Variants in DPYSL2 observed in about 807,000 individuals in gnomAD.
The protein encoded by DPYSL2 is dihydropyrimidinase like 2, also known as dihydropyrimidinase-related protein 2.
Under a neutral mutation model 69.9 loss-of-function variants are expected in DPYSL2, and 13 were observed. The ratio of observed to expected loss-of-function variants is 0.19; its 90% CI spans 0.12 to 0.30. DPYSL2 has a LOEUF of 0.30. Ranked by LOEUF, DPYSL2 falls within the 10% of genes least tolerant of loss-of-function variation. DPYSL2 has a pLI of 1.00. For synonymous variants in DPYSL2, 326 were observed against 359.1 expected (o/e 0.91, Z 1.04); for missense variants, 587 against 918.9 (o/e 0.64, Z 4.67).
Position 26,565,171 on chromosome 8 carries a change from T to A in DPYSL2, c.355-16798T>A, listed in dbSNP as rs1194311325. Reference sequence around the variant, plus strand: ...GTGTATATGTACCACATTTTCTTCATCCACTCATTGGTCAGTGGGCACTTA... The same window carrying A: ...GTGTATATGTACCACATTTTCTTCAACCACTCATTGGTCAGTGGGCACTTA... On this transcript the variant is annotated intron_variant, in intron 1 of 13. Transcript: ENST00000521913. This position sits in a 1 kb window ranked among gnomAD's most constrained non-coding sequence, Gnocchi z 4.1. 2.6e-5 allele frequency among the ~76,000 whole-genome samples: 4 copies of A among 152,228 alleles called. No homozygotes were observed. In the East Asian group the frequency reaches 7.7e-4, roughly 29 times the overall value.
chr8:26,625,683 T>C (rs1265627738), intron 4 of DPYSL2, among the ~76,000 whole-genome samples: 1 of 152,180 alleles, frequency 6.6e-6, no homozygotes, highest in African/African-American at 2.4e-5. Context: ...TGCTTAAAAA[T>C]CAGCATGGAA....
rs1803006141 is a variant in DPYSL2 at position 26,640,042 on chromosome 8, T to G, written c.1127-3397T>G. On this transcript the variant is annotated intron_variant, in intron 8 of 13. Transcript: ENST00000521913. This position sits in a 1 kb window ranked among gnomAD's most constrained non-coding sequence, Gnocchi z 4.2. ...GTGAGAGCGTGTGTAACTGTCTGTC[T>G]GTCTGTCCATCCCAGTTGGTTTTCA... is the stretch of plus-strand genomic sequence containing the variant. Among the ~76,000 whole-genome samples the G allele has an allele frequency of 6.6e-6, 1 of 152,236 alleles. No individual in the cohort carries two copies. Among genetic ancestry groups the G allele is most frequent in the South Asian group, 2.1e-4 (1 of 4,834 alleles).
chr8:26,534,106 T>C (rs2117614887), intron 1 of DPYSL2, among the ~76,000 whole-genome samples: 1 of 152,328 alleles, frequency 6.6e-6, no homozygotes, highest in South Asian at 2.1e-4. Context: ...TTGGAATTAT[T>C]AGTGACAACT....
At chr8:26,563,122 A>T (rs1020440751) in intron 1 of DPYSL2, among the ~76,000 whole-genome samples, 1 of 152,112 alleles carries the variant, frequency 6.6e-6, no homozygotes, top group Non-Finnish European at 1.5e-5. Context: ...ATTCAAAGGG[A>T]GGGCATGTAG....
chr8:26,639,468 T>C (rs1251623249), intron 8 of DPYSL2, among the ~76,000 whole-genome samples: 1 of 152,160 alleles, frequency 6.6e-6, no homozygotes, highest in Non-Finnish European at 1.5e-5. Context: ...GAATTCAATT[T>C]GCATTGTAAT....
At chr8:26,601,429 G>A (rs868262274) in intron 3 of DPYSL2, among the ~76,000 whole-genome samples, 4 of 152,028 alleles carry the variant, frequency 2.6e-5, no homozygotes, top group Middle Eastern at 3.4e-3. Context: ...CCAGGCTGGA[G>A]TGCGGTGGCG....
chr8:26,635,051 G>A, intron 8 of DPYSL2, 151 bp downstream of exon 8: 2 of 1,185,048 alleles, frequency 1.7e-6, no homozygotes, highest in South Asian at 3.2e-5. Flanking sequence ...AGCCGGGCAA[G>A]GCAGGAGCTC....
intron 7 of DPYSL2, among the ~76,000 whole-genome samples, chr8:26,634,251 G>C (rs1802846494): frequency 6.6e-6 from 1 of 152,054 alleles, no homozygotes; most frequent in African/African-American, 2.4e-5. Context: ...CTGGAGAAGG[G>C]TCAGAAGGGA....
At position 26,643,222 on chromosome 8, in the gene DPYSL2, G is replaced by A. The variant is rs992470044; in HGVS notation, c.1127-217G>A. The A allele has an allele frequency of 8.3e-6, 4 of 484,240 alleles. No homozygotes were observed. The Admixed American group carries it at 1.5e-4, about 18-fold the overall frequency. The allele number at this position is 484,240 out of a possible 1,614,324, so 30.0% of individuals were successfully genotyped here. ...GGAGGGTGTGTTGTTTGAAGAGCAG[G>A]GGCTGAAGGTGGAATCTTGGGGAGC... On this transcript the variant is annotated intron_variant, in intron 8 of 13. Coordinates refer to ENST00000521913, the MANE Select transcript of DPYSL2 (RefSeq NM_001197293.3). The surrounding 1 kb of genome is among the most constrained non-coding windows in gnomAD (Gnocchi z 6.5).
At chr8:26,525,155 T>C (rs920478556) in intron 1 of DPYSL2, among the ~76,000 whole-genome samples, 3 of 152,232 alleles carry the variant, frequency 2.0e-5, no homozygotes, top group Non-Finnish European at 4.4e-5. Flanking sequence ...ATTCTGACTT[T>C]AAGATTATAT....
In DPYSL2 at chr8:26,647,100, C is replaced by T. The variant is rs191145098; in HGVS notation, c.1426-530C>T. Among the ~76,000 whole-genome samples the T allele has an allele frequency of 3.7e-3, 564 of 152,026 alleles. 16 individuals carry two copies. Among genetic ancestry groups the T allele is most frequent in the Admixed American group, 0.033 (503 of 15,278 alleles). On this transcript the variant is annotated intron_variant, in intron 10 of 13. Transcript: ENST00000521913. The surrounding 1 kb of genome is among the most constrained non-coding windows in gnomAD (Gnocchi z 5.1). The stretch of plus-strand genomic sequence containing the variant: ...GGGATTGCCACCCCTGCAAATTAAA[C>T]GAATTTTTTTTTGTTTTGAAATAAT...
At chr8:26,632,667 C>G (rs148119567) in intron 7 of DPYSL2, among the ~76,000 whole-genome samples, 1 of 152,148 alleles carries the variant, frequency 6.6e-6, no homozygotes, top group Non-Finnish European at 1.5e-5. Flanking sequence ...GGCGAAACCC[C>G]GTGTTGGGAC....
At chr8:26,584,236 C>T (rs1224467486) in intron 3 of DPYSL2, among the ~76,000 whole-genome samples, 1 of 152,216 alleles carries the variant, frequency 6.6e-6, no homozygotes, top group African/African-American at 2.4e-5. Context: ...TTCTTGCTTT[C>T]TCTCCATGTG....
intron 1 of DPYSL2, among the ~76,000 whole-genome samples, chr8:26,526,499 A>G (rs1808479920): frequency 6.6e-6 from 1 of 152,220 alleles, no homozygotes; most frequent in African/African-American, 2.4e-5. Context: ...GTGGCTAATA[A>G]TAGTCTTGTG....
intron 8 of DPYSL2, among the ~76,000 whole-genome samples, chr8:26,638,305 G>A (rs889991354): frequency 3.9e-5 from 6 of 152,236 alleles, no homozygotes; most frequent in African/African-American, 1.4e-4. Flanking sequence ...AGGTCAGGCT[G>A]CGTAAGCAGA....
intron 3 of DPYSL2, among the ~76,000 whole-genome samples, chr8:26,603,663 C>T (rs1802044392): frequency 6.6e-6 from 1 of 152,190 alleles, no homozygotes; most frequent in African/African-American, 2.4e-5. Context: ...CACTAACTCC[C>T]CATTCCCACC....
In DPYSL2 at chr8:26,582,140, T is replaced by A. The variant is rs1391101034; in HGVS notation, c.443+83T>A. 3.5e-6 allele frequency: 4 copies of A among 1,144,962 alleles called. No homozygotes were observed. The highest frequency in any genetic ancestry group is 3.0e-5 in the African/African-American group (2 of 65,680). The allele number at this position is 1,144,962 out of a possible 1,614,324, so 70.9% of individuals were successfully genotyped here. A position where few individuals can be genotyped will look rare whatever the true frequency, so the allele number is the denominator to read the frequency against. On this transcript the variant is annotated intron_variant, in intron 2 of 13. Coordinates refer to ENST00000521913, the MANE Select transcript of DPYSL2 (RefSeq NM_001197293.3). The surrounding 1 kb of genome is among the most constrained non-coding windows in gnomAD (Gnocchi z 4.1). ...TTAGATACCATTCGCATCCAAAGTA[T>A]CAAACTTCAGGAACATCAGAGAGTG...
chr8:26,627,536 G>A lies in DPYSL2; in HGVS notation c.936+241G>A, dbSNP rs1185040710. Among the ~76,000 whole-genome samples the A allele has an allele frequency of 6.6e-6, 1 of 152,122 alleles. No individual in the cohort carries two copies. The highest frequency in any genetic ancestry group is 1.5e-5 in the Non-Finnish European group (1 of 68,018). On this transcript the variant is annotated intron_variant, in intron 6 of 13. Transcript: ENST00000521913. The surrounding 1 kb of genome is among the most constrained non-coding windows in gnomAD (Gnocchi z 6.9). ...ATTGCAGAGAGAGGCCATTTCTCTCGGTGCTGTAACGCAGCTGCCTTGGGT... is the reference window on the plus strand; with the variant it reads ...ATTGCAGAGAGAGGCCATTTCTCTCAGTGCTGTAACGCAGCTGCCTTGGGT...
intron 1 of DPYSL2, among the ~76,000 whole-genome samples, chr8:26,537,471 G>C (rs1800611080): frequency 6.6e-6 from 1 of 152,024 alleles, no homozygotes; most frequent in South Asian, 2.1e-4. Context: ...TGCTTTTAAA[G>C]CTTTTTAAAA....
Sources: gnomAD v4.1 joint callset for allele counts (sites outside exome capture counted in the v4.1 genomes callset) on GRCh38, gnomAD v4.1.1 for gene constraint, Gnocchi (gnomAD v3.1) non-coding constraint, MANE v1.5 for transcripts, NCBI Gene and HGNC (gene_info 2026-07-23, HGNC 2026-07-21) for gene names.